ATXN2: variants seen among roughly 807,000 people sequenced by gnomAD.
The protein encoded by ATXN2 is ataxin 2, also known as ataxin-2.
A neutral mutation model predicts 138.6 loss-of-function variants in ATXN2; 37 were observed. That is an observed-to-expected ratio of 0.27 (90% CI 0.21 to 0.35). The LOEUF is 0.35. Ranked by LOEUF, ATXN2 falls within the 10% of genes least tolerant of loss-of-function variation. The pLI is 1.00. For missense variants in ATXN2, 1,216 were observed against 1,480.3 expected, an observed-to-expected ratio of 0.82 and a Z score of 2.93; for synonymous variants, 549 against 543.7, an observed-to-expected ratio of 1.01 and a Z score of -0.13.
chr12:111,599,436 CG>C (rs1885155280), upstream of ATXN2: 1 of 1,189,654 alleles, frequency 8.4e-7, no homozygotes. Context: ...GAGCGCCACC[CG>C]GGCCACCTGG....
chr12:111,560,066 A>C (rs943815437), intron 1 of ATXN2, among the ~76,000 whole-genome samples: 6 of 152,246 alleles, frequency 3.9e-5, no homozygotes, highest in Middle Eastern at 3.4e-3. Context: ...AATTTCAAAC[A>C]CTGATCTCAG....
At chr12:111,520,445 G>A (rs1016804862) in intron 7 of ATXN2, among the ~76,000 whole-genome samples, 1 of 152,164 alleles carries the variant, frequency 6.6e-6, no homozygotes. Flanking sequence ...GAGGTGAAGA[G>A]ATCGAGACTA....
intron 20 of ATXN2, among the ~76,000 whole-genome samples, chr12:111,465,191 A>G (rs1387054798): frequency 2.0e-5 from 3 of 152,156 alleles, no homozygotes; most frequent in African/African-American, 7.2e-5. Flanking sequence ...AAACATGTCT[A>G]CATAAAGGGG....
intron 18 of ATXN2, among the ~76,000 whole-genome samples, chr12:111,482,430 G>A (rs1877310949): frequency 6.6e-6 from 1 of 151,750 alleles, no homozygotes; most frequent in Non-Finnish European, 1.5e-5. Flanking sequence ...TCCTGACCTC[G>A]TGATCTGCCC....
intron 1 of ATXN2, among the ~76,000 whole-genome samples, chr12:111,592,083 A>AAG (rs1409834428): frequency 7.0e-6 from 1 of 143,414 alleles, no homozygotes; most frequent in African/African-American, 2.6e-5. Flanking sequence ...GTCTCAAAAA[A>AAG]AAAAAAAACA....
Position 111,598,677 on chromosome 12 carries a change from G to T in ATXN2, c.251+107C>A. 1 of 818,718 alleles carries T rather than the reference G, an allele frequency of 1.2e-6. No homozygotes were observed. Among genetic ancestry groups the T allele is most frequent in the Non-Finnish European group, 1.5e-6 (1 of 671,928 alleles). 50.7% of individuals were successfully genotyped at this position (818,718 alleles called of 1,614,324 possible). On this transcript the variant is annotated intron_variant, in intron 1 of 24. Transcript: ENST00000673436. The surrounding 1 kb of genome is among the most constrained non-coding windows in gnomAD (Gnocchi z 4.5). The stretch of plus-strand genomic sequence containing the variant: ...GTCTCCCCCGCGCTGCCGGCCCCCA[G>T]CCCACCCCGGGTAGCCCGGCGGGTC...
At chr12:111,455,830 A>C in intron 23 of ATXN2, 199 bp downstream of exon 23, 1 of 645,800 alleles carries the variant, frequency 1.5e-6, no homozygotes, top group Non-Finnish European at 2.8e-6. Context: ...GGACTGACCA[A>C]TCAGCACCTT....
At chr12:111,499,805 G>C (rs940172029) in intron 14 of ATXN2, among the ~76,000 whole-genome samples, 18 of 152,158 alleles carry the variant, frequency 1.2e-4, no homozygotes, top group African/African-American at 4.3e-4. Flanking sequence ...GACCAGCCTG[G>C]GCCAAACAGC....
intron 5 of ATXN2, among the ~76,000 whole-genome samples, chr12:111,539,091 T>C (rs1881349915): frequency 6.6e-6 from 1 of 150,422 alleles, no homozygotes; most frequent in South Asian, 2.1e-4. Context: ...CATTCTGTTT[T>C]CATTTTCTCC....
intron 1 of ATXN2, among the ~76,000 whole-genome samples, chr12:111,561,463 G>A (rs1159815835): frequency 6.6e-6 from 1 of 152,094 alleles, no homozygotes; most frequent in South Asian, 2.1e-4. Flanking sequence ...TGGCACCACT[G>A]TACTCCAGCT....
chr12:111,554,735 G>T (rs1882299031), intron 2 of ATXN2, among the ~76,000 whole-genome samples: 1 of 152,152 alleles, frequency 6.6e-6, no homozygotes, highest in African/African-American at 2.4e-5. Flanking sequence ...GATTTTGGTG[G>T]GCAATGAAAC....
intron 3 of ATXN2, 136 bp from the exon 4 acceptor site, chr12:111,553,113 T>A (rs1299867510): frequency 1.7e-5 from 8 of 476,826 alleles, no homozygotes; most frequent in Non-Finnish European, 2.8e-5. Context: ...AATAAAAAAA[T>A]TTCAAAACAT....
chr12:111,574,643 G>GA (rs967363813), intron 1 of ATXN2, among the ~76,000 whole-genome samples: 1 of 151,946 alleles, frequency 6.6e-6, no homozygotes, highest in African/African-American at 2.4e-5. Context: ...GGCTGATCTT[G>GA]AATTCCTGAG....
intron 14 of ATXN2, among the ~76,000 whole-genome samples, chr12:111,500,690 T>A (rs1452484513): frequency 6.6e-6 from 1 of 152,116 alleles, no homozygotes; most frequent in Non-Finnish European, 1.5e-5. Flanking sequence ...CCAGCCAACA[T>A]AGTGAAACCC....
rs752629316 is a variant in ATXN2 at position 111,488,662 on chromosome 12, A to G, written c.2054T>C (p.Ile685Thr). The G allele has an allele frequency of 5.0e-6, 8 of 1,613,938 alleles. No homozygotes were observed. The East Asian group carries it at 8.9e-5, about 18-fold the overall frequency. The change falls in exon 15 of 25, where the codon ATT becomes ACT. Residue 685 changes from isoleucine (I) to threonine (T), a missense_variant. Physicochemically the swap from Ile to Thr is moderately conservative, Grantham distance 89. Transcript: ENST00000673436. ...GGTACAGTTGCTGCTGCTATTTTCA[A>G]TGAAAGAATCCTTAGCACTTGGTTC... ...KIEPSAKDSF[I>T]ENSSSNCTSG...
chr12:111,530,933 C>A (rs1283721525), intron 5 of ATXN2, among the ~76,000 whole-genome samples: 2 of 151,776 alleles, frequency 1.3e-5, no homozygotes, highest in South Asian at 2.1e-4. Flanking sequence ...CGAGACCAGC[C>A]TGACCAACAT....
chr12:111,496,877 C>G (rs1035289786), intron 14 of ATXN2, among the ~76,000 whole-genome samples: 2 of 151,322 alleles, frequency 1.3e-5, no homozygotes, highest in Admixed American at 6.6e-5. Flanking sequence ...AAAATCAAAG[C>G]AGAAATAAAT....
chr12:111,499,430 G>A (rs1029280493), intron 14 of ATXN2, among the ~76,000 whole-genome samples: 18 of 152,158 alleles, frequency 1.2e-4, no homozygotes, highest in African/African-American at 3.9e-4. Flanking sequence ...CAGGCTGGGC[G>A]CAGCAGCTCA....
intron 1 of ATXN2, among the ~76,000 whole-genome samples, chr12:111,573,397 T>C (rs933997714): frequency 1.3e-5 from 2 of 152,146 alleles, no homozygotes; most frequent in Non-Finnish European, 2.9e-5. Context: ...AGTTTTGTCA[T>C]GTTGGCCAGG....
Sources: gnomAD v4.1 joint callset for allele counts (sites outside exome capture counted in the v4.1 genomes callset) on GRCh38, gnomAD v4.1.1 for gene constraint, Gnocchi (gnomAD v3.1) non-coding constraint, MANE v1.5 for transcripts, NCBI Gene and HGNC (gene_info 2026-07-23, HGNC 2026-07-21) for gene names.